Variants in INSYN2B observed in about 807,000 individuals in gnomAD.
INSYN2B encodes the protein protein INSYN2B.
INSYN2B carries 16 observed loss-of-function variants against 41.2 expected under a neutral mutation model. The ratio of observed to expected loss-of-function variants is 0.39; its 90% CI spans 0.26 to 0.59. The LOEUF is 0.59. Among genes scored for constraint, INSYN2B ranks in the 20% least tolerant of loss-of-function variants. The pLI is 0.57. For synonymous variants in INSYN2B, 245 were observed against 244.4 expected (o/e 1.00, Z -0.02); for missense variants, 608 against 646.4 (o/e 0.94, Z 0.64).
intron 1 of INSYN2B, among the ~76,000 whole-genome samples, chr5:169,915,681 G>C (rs978504630): frequency 6.6e-6 from 1 of 151,354 alleles, no homozygotes; most frequent in Admixed American, 6.6e-5. Context: ...TCATTATTTA[G>C]ATCTATTTTC....
chr5:169,928,231 GGTCTACAGTTATTGCT>G (rs1272266362), intron 1 of INSYN2B, among the ~76,000 whole-genome samples: 2 of 152,126 alleles, frequency 1.3e-5, no homozygotes, highest in Non-Finnish European at 2.9e-5. Context: ...CAGCAGGAGG[GGTCTACAGTTATTGCT>G]GCCACAGGTC....
chr5:169,971,048 G>A (rs1471811412), intron 1 of INSYN2B, among the ~76,000 whole-genome samples: 6 of 152,278 alleles, frequency 3.9e-5, no homozygotes, highest in South Asian at 2.1e-4. Context: ...TATTAATGAT[G>A]ACGGGGAGAG....
chr5:169,873,716 G>A (rs138537466), intron 3 of INSYN2B, among the ~76,000 whole-genome samples: 85 of 152,300 alleles, frequency 5.6e-4, no homozygotes, highest in Middle Eastern at 3.4e-3. Flanking sequence ...CTAGAGAAAT[G>A]CCTTTTTCTC....
rs1430852430 is a variant in INSYN2B at position 169,863,723 on chromosome 5, A to T, written c.*550T>A. ...ATTAAAAAGGAAAACAACCCAACACACCAGGGTGATCTTGCATAAGCATTT... is the reference window on the plus strand; with the variant it reads ...ATTAAAAAGGAAAACAACCCAACACTCCAGGGTGATCTTGCATAAGCATTT... On this transcript the variant is annotated 3_prime_UTR_variant, in exon 4 of 4. Transcript: ENST00000377365. Among the ~76,000 whole-genome samples the T allele has an allele frequency of 6.6e-6, 1 of 152,194 alleles. No individual in the cohort carries two copies. The highest frequency in any genetic ancestry group is 1.5e-5 in the Non-Finnish European group (1 of 68,042).
intron 1 of INSYN2B, among the ~76,000 whole-genome samples, chr5:169,925,572 T>A (rs1775397149): frequency 9.5e-6 from 1 of 105,002 alleles, no homozygotes; most frequent in African/African-American, 4.0e-5. Context: ...AGAGCAAGAC[T>A]CTGTCTTAAA....
At chr5:169,951,354 T>G (rs1020901227) in intron 1 of INSYN2B, among the ~76,000 whole-genome samples, 1 of 152,230 alleles carries the variant, frequency 6.6e-6, no homozygotes, top group African/African-American at 2.4e-5. Flanking sequence ...CAGAGGATTC[T>G]TAATGCTTCC....
chr5:169,917,853 C>A (rs891976030), intron 1 of INSYN2B, among the ~76,000 whole-genome samples: 2 of 152,160 alleles, frequency 1.3e-5, no homozygotes, highest in African/African-American at 4.8e-5. Flanking sequence ...TAAAGCTGGT[C>A]TTCCCTTTCC....
intron 1 of INSYN2B, among the ~76,000 whole-genome samples, chr5:169,966,000 TC>T (rs1777283069): frequency 6.6e-6 from 1 of 152,202 alleles, no homozygotes; most frequent in Non-Finnish European, 1.5e-5. Flanking sequence ...GACCTAGGTT[TC>T]CCTAGGATGA....
Position 169,864,155 on chromosome 5 carries a change from C to T in INSYN2B, c.*118G>A. On this transcript the variant is annotated 3_prime_UTR_variant, in exon 4 of 4. Coordinates refer to ENST00000377365, the MANE Select transcript of INSYN2B (RefSeq NM_001129891.3). ...CTCCAAGGCTCTTCTGTTTCACAGG[C>T]CAAGGGGCTCACAGCCCAGGGCCTT... 1.1e-6 allele frequency: 1 copy of T among 913,786 alleles called. No individual in the cohort carries two copies. Among genetic ancestry groups the T allele is most frequent in the South Asian group, 1.6e-5 (1 of 62,534 alleles). 56.6% of individuals were successfully genotyped at this position (913,786 alleles called of 1,614,324 possible).
chr5:169,892,592 A>G (rs1773361323), intron 1 of INSYN2B, among the ~76,000 whole-genome samples: 1 of 152,232 alleles, frequency 6.6e-6, no homozygotes, highest in Non-Finnish European at 1.5e-5. Context: ...TGGGCAAGCC[A>G]CTAATGCTAT....
At chr5:169,923,605 AT>A (rs1775292290) in intron 1 of INSYN2B, among the ~76,000 whole-genome samples, 1 of 152,136 alleles carries the variant, frequency 6.6e-6, no homozygotes, top group Non-Finnish European at 1.5e-5. Flanking sequence ...GCACGTCTCT[AT>A]CCCTCTTTGA....
chr5:169,962,965 G>A (rs183046918), intron 1 of INSYN2B, among the ~76,000 whole-genome samples: 1 of 152,302 alleles, frequency 6.6e-6, no homozygotes, highest in African/African-American at 2.4e-5. Context: ...GGAAGGGTAA[G>A]GGTGGAAGCT....
Position 169,882,910 on chromosome 5 carries a change from GGAC to G in INSYN2B, c.986_988del (p.Cys329_Pro330delinsSer). On this transcript the variant is annotated inframe_deletion, in exon 2 of 4. Coordinates refer to ENST00000377365, the MANE Select transcript of INSYN2B (RefSeq NM_001129891.3). ...ATTCTGGTGATTGTTACTTGATGAA[GGAC>G]AGTCTGAGGCTCTTCCTGGGTGGGC... 1.3e-6 allele frequency: 2 copies of G among 1,551,964 alleles called. No homozygotes were observed. The highest frequency in any genetic ancestry group is 1.7e-6 in the Non-Finnish European group (2 of 1,146,996).
At chr5:169,924,382 T>A (rs1775330843) in intron 1 of INSYN2B, among the ~76,000 whole-genome samples, 1 of 152,258 alleles carries the variant, frequency 6.6e-6, no homozygotes, top group Non-Finnish European at 1.5e-5. Context: ...TTTTAGTCAG[T>A]TTCCTGGTAT....
chr5:169,917,673 AAATGAAGGGGAG>A, intron 1 of INSYN2B, among the ~76,000 whole-genome samples: 2 of 152,316 alleles, frequency 1.3e-5, no homozygotes, highest in East Asian at 3.9e-4. Context: ...ATAGAAAGAG[AAATGAAGGGGAG>A]AACATGTCCC....
Position 169,927,922 on chromosome 5 carries a change from ATTCT to A in INSYN2B, c.-918-43110_-918-43107del, listed in dbSNP as rs1284403671. Among the ~76,000 whole-genome samples the A allele has an allele frequency of 9.9e-5, 15 of 152,254 alleles. No homozygotes were observed. In the East Asian group the frequency reaches 2.9e-3, roughly 29 times the overall value. ...TGAGACACTGCTCCCGGCCCGAAAA[ATTCT>A]TTATTCAGGGCTGGATGATGAGATG... On this transcript the variant is annotated intron_variant, in intron 1 of 3. Coordinates refer to ENST00000377365, the MANE Select transcript of INSYN2B (RefSeq NM_001129891.3).
chr5:169,883,272 A>G lies in INSYN2B; in HGVS notation c.627T>C (p.Tyr209=), dbSNP rs1191555906. ...TAAIQVPDDI[Y]HSPSWEARES... Reference sequence around the variant, plus strand: ...CTCTAGCTTCCCAGGAAGGACTGTGATAAATATCATCTGGAACCTGAATGG... The same window carrying G: ...CTCTAGCTTCCCAGGAAGGACTGTGGTAAATATCATCTGGAACCTGAATGG... Residue 209 remains tyrosine, a synonymous_variant, in exon 2 of 4, where the codon TAT becomes TAC. Transcript: ENST00000377365. 3.9e-6 allele frequency: 6 copies of G among 1,551,666 alleles called. No homozygotes were observed. The highest frequency in any genetic ancestry group is 5.2e-6 in the Non-Finnish European group (6 of 1,146,974).
At position 169,883,510 on chromosome 5, in the gene INSYN2B, C is replaced by G; in HGVS notation, c.389G>C (p.Ser130Thr). Reference protein sequence around the residue: ...SLVEMPTASQSAIQVNGNLSE... With the variant: ...SLVEMPTASQTAIQVNGNLSE... ...GAGGTTACCGTTGACCTGGATGGCACTTTGGGAGGCTGTTGGCATTTCCAC... is the reference window on the plus strand; with the variant it reads ...GAGGTTACCGTTGACCTGGATGGCAGTTTGGGAGGCTGTTGGCATTTCCAC... The change falls in exon 2 of 4, where the codon AGT (serine) becomes ACT (threonine). Residue 130 changes from serine to threonine, a missense_variant. By Grantham distance (58) the Ser-to-Thr change is moderately conservative. Coordinates refer to ENST00000377365, the MANE Select transcript of INSYN2B (RefSeq NM_001129891.3). 1 of 1,551,588 alleles carries G rather than the reference C, an allele frequency of 6.4e-7. No homozygotes were observed. Among genetic ancestry groups the G allele is most frequent in the African/African-American group, 1.4e-5 (1 of 73,154 alleles).
chr5:169,904,644 C>A (rs1239000375), intron 1 of INSYN2B, among the ~76,000 whole-genome samples: 4 of 152,176 alleles, frequency 2.6e-5, no homozygotes, highest in Non-Finnish European at 5.9e-5. Context: ...CTAGTGAGGG[C>A]CCCGCAGTCC....
Sources: gnomAD v4.1 joint callset for allele counts (sites outside exome capture counted in the v4.1 genomes callset) on GRCh38, gnomAD v4.1.1 for gene constraint, MANE v1.5 for transcripts, NCBI Gene and HGNC (gene_info 2026-07-23, HGNC 2026-07-21) for gene names.